Variants in SUGCT observed in about 807,000 individuals in gnomAD.
The protein encoded by SUGCT is succinyl-CoA:glutarate CoA-transferase.
A neutral mutation model predicts 55.0 loss-of-function variants in SUGCT; 41 were observed. That is an observed-to-expected ratio of 0.74 (90% confidence interval 0.58 to 0.97). The LOEUF (loss-of-function observed/expected upper bound fraction) is 0.97. SUGCT is among the 50% of genes least tolerant of loss of function. The pLI is 0.00. For synonymous variants in SUGCT, 187 were observed against 200.4 expected (o/e 0.93, Z 0.56); for missense variants, 568 against 547.8 (o/e 1.04, Z -0.37).
intron 12 of SUGCT, among the ~76,000 whole-genome samples, chr7:40,647,911 A>T (rs1436536307): frequency 6.6e-6 from 1 of 152,282 alleles, no homozygotes; most frequent in East Asian, 1.9e-4. Flanking sequence ...TTGGTGTATA[A>T]TCTTCATTAT....
chr7:40,705,905 C>T (rs1785375718), intron 12 of SUGCT, among the ~76,000 whole-genome samples: 1 of 152,134 alleles, frequency 6.6e-6, no homozygotes, highest in African/African-American at 2.4e-5. Context: ...AGCCATAAAA[C>T]CGGGTTCCCT....
At chr7:40,249,970 A>G (rs1245862862) in intron 7 of SUGCT, among the ~76,000 whole-genome samples, 1 of 152,080 alleles carries the variant, frequency 6.6e-6, no homozygotes, top group Non-Finnish European at 1.5e-5. Flanking sequence ...TATTTTTAGT[A>G]GAGATGGGAT....
chr7:40,762,800 T>TA (rs376550714), intron 13 of SUGCT, among the ~76,000 whole-genome samples: 6 of 151,784 alleles, frequency 4.0e-5, no homozygotes, highest in African/African-American at 1.2e-4. Flanking sequence ...GTAAGAAGCA[T>TA]AAAACAACTC....
chr7:40,573,976 CATGGCAA>C (rs1223959640), intron 12 of SUGCT, among the ~76,000 whole-genome samples: 1 of 152,132 alleles, frequency 6.6e-6, no homozygotes, highest in African/African-American at 2.4e-5. Context: ...TCTTGTTTTT[CATGGCAA>C]ATTGATGAAA....
chr7:40,844,620 TG>T (rs1256403358), intron 13 of SUGCT, among the ~76,000 whole-genome samples: 2 of 151,944 alleles, frequency 1.3e-5, no homozygotes, highest in African/African-American at 4.8e-5. Flanking sequence ...TGGGCCAGGG[TG>T]GTTTTGGAAA....
At chr7:40,528,611 G>A (rs537015147) in intron 12 of SUGCT, among the ~76,000 whole-genome samples, 138 of 152,194 alleles carry the variant, frequency 9.1e-4, no homozygotes, top group African/African-American at 3.0e-3. Flanking sequence ...TAATGATATC[G>A]AAACTCTTAA....
the SUGCT span, among the ~76,000 whole-genome samples, chr7:40,982,591 A>G: frequency 6.6e-6 from 1 of 152,196 alleles, no homozygotes; most frequent in African/African-American, 2.4e-5. Flanking sequence ...CTAACTTGTT[A>G]AAAATATAGA....
chr7:40,632,841 G>A (rs963476698), intron 12 of SUGCT, among the ~76,000 whole-genome samples: 3 of 152,098 alleles, frequency 2.0e-5, no homozygotes, highest in Admixed American at 6.5e-5. Flanking sequence ...AAGTGCATGA[G>A]TATTCTTAAG....
At chr7:40,850,067 T>C (rs1192893253) in intron 13 of SUGCT, among the ~76,000 whole-genome samples, 13 of 152,138 alleles carry the variant, frequency 8.5e-5, no homozygotes, top group Admixed American at 8.5e-4. Context: ...TCTAGAAAGA[T>C]GGAGAGGACA....
chr7:40,829,420 C>T (rs539278029), intron 13 of SUGCT, among the ~76,000 whole-genome samples: 46 of 152,300 alleles, frequency 3.0e-4, no homozygotes, highest in African/African-American at 1.1e-3. Context: ...AAGTCAAGAA[C>T]CCTCCTGGGC....
At chr7:40,731,260 C>T (rs1290381513) in intron 12 of SUGCT, among the ~76,000 whole-genome samples, 3 of 152,056 alleles carry the variant, frequency 2.0e-5, no homozygotes, top group Non-Finnish European at 4.4e-5. Flanking sequence ...CATAATAGTC[C>T]AGTTTTTAAA....
intron 8 of SUGCT, among the ~76,000 whole-genome samples, chr7:40,287,539 G>A (rs933667663): frequency 4.7e-5 from 7 of 149,426 alleles, no homozygotes; most frequent in African/African-American, 1.5e-4. Context: ...TGTCTGTCAC[G>A]CAGGCTGGAA....
intron 12 of SUGCT, among the ~76,000 whole-genome samples, chr7:40,588,047 C>T (rs1017008351): frequency 6.6e-6 from 1 of 151,612 alleles, no homozygotes; most frequent in African/African-American, 2.4e-5. Flanking sequence ...GAATTACAGG[C>T]GTGTGCCACC....
intron 13 of SUGCT, among the ~76,000 whole-genome samples, chr7:40,835,866 A>T (rs1792940663): frequency 6.6e-6 from 1 of 150,820 alleles, no homozygotes. Context: ...GGAAATCATT[A>T]GTATCTTCCA....
At chr7:40,248,908 A>G (rs1274546200) in intron 7 of SUGCT, among the ~76,000 whole-genome samples, 4 of 109,506 alleles carry the variant, frequency 3.7e-5, no homozygotes, top group African/African-American at 8.8e-5. Flanking sequence ...ACACACACAC[A>G]CGCACACACA....
chr7:40,413,999 A>G (rs1399752143), intron 9 of SUGCT, among the ~76,000 whole-genome samples: 1 of 152,138 alleles, frequency 6.6e-6, no homozygotes, highest in Non-Finnish European at 1.5e-5. Context: ...TAACTTGGTT[A>G]ATTTCCCTAT....
chr7:40,659,358 TC>T, intron 12 of SUGCT, among the ~76,000 whole-genome samples: 1 of 152,104 alleles, frequency 6.6e-6, no homozygotes, highest in Non-Finnish European at 1.5e-5. Flanking sequence ...ATGGCTGGCA[TC>T]CTGGGGCTCA....
chr7:40,354,196 C>T (rs1273529761), intron 9 of SUGCT, among the ~76,000 whole-genome samples: 1 of 152,044 alleles, frequency 6.6e-6, no homozygotes, highest in Non-Finnish European at 1.5e-5. Flanking sequence ...CAAAGACATG[C>T]AGAAGGCTAA....
chr7:40,409,904 C>T (rs1786579104), intron 9 of SUGCT, among the ~76,000 whole-genome samples: 1 of 152,102 alleles, frequency 6.6e-6, no homozygotes, highest in South Asian at 2.1e-4. Context: ...ATAGTTGAGT[C>T]TTCCCTTCCA....
Sources: gnomAD v4.1 joint callset for allele counts (sites outside exome capture counted in the v4.1 genomes callset) on GRCh38, gnomAD v4.1.1 for gene constraint, MANE v1.5 for transcripts, NCBI Gene and HGNC (gene_info 2026-07-23, HGNC 2026-07-21) for gene names.